Variants in ALK observed in about 807,000 individuals in gnomAD.
ALK encodes the protein ALK tyrosine kinase receptor.
Under a neutral mutation model 163.1 loss-of-function variants are expected in ALK, and 74 were observed. The observed-to-expected ratio is 0.45, with a 90% CI of 0.38 to 0.55. ALK has a LOEUF of 0.55. ALK is among the 20% of genes least tolerant of loss of function. ALK has a pLI of 0.00. For missense variants in ALK, 2,063 were observed against 2,105.3 expected (o/e 0.98, Z 0.39); for synonymous variants, 960 against 843.2 (o/e 1.14, Z -2.40).
chr2:29,684,017 TTA>T (rs1262400311), intron 3 of ALK, among the ~76,000 whole-genome samples: 1 of 152,212 alleles, frequency 6.6e-6, no homozygotes, highest in African/African-American at 2.4e-5. Flanking sequence ...TGAGTAAAGA[TTA>T]TCTTTCCACT....
chr2:29,345,464 TACTC>T (rs933309687), intron 5 of ALK, among the ~76,000 whole-genome samples: 37 of 151,140 alleles, frequency 2.4e-4, no homozygotes, highest in Non-Finnish European at 4.0e-4. Context: ...ATAAAAATAA[TACTC>T]AGTCCTAGCA....
intron 11 of ALK, 55 bp downstream of exon 11, chr2:29,275,044 T>G: frequency 6.2e-7 from 1 of 1,611,554 alleles, no homozygotes; most frequent in Non-Finnish European, 8.5e-7. Flanking sequence ...CAATCTTTCT[T>G]CTGCCTTTTG....
At chr2:29,847,963 C>T (rs112896898) in intron 1 of ALK, among the ~76,000 whole-genome samples, 1,963 of 152,060 alleles carry the variant, frequency 0.013, 19 homozygotes, top group Middle Eastern at 0.031. Context: ...TGTCTAGTGG[C>T]GAGACAAACT....
chr2:29,326,962 C>A (rs894582371), intron 6 of ALK, among the ~76,000 whole-genome samples: 1 of 152,218 alleles, frequency 6.6e-6, no homozygotes, highest in Non-Finnish European at 1.5e-5. Flanking sequence ...CCAGTCCAGG[C>A]TCCATTTCAC....
intron 4 of ALK, among the ~76,000 whole-genome samples, chr2:29,490,585 C>T (rs1231312795): frequency 2.6e-5 from 4 of 152,136 alleles, no homozygotes; most frequent in African/African-American, 9.7e-5. Flanking sequence ...AGGATTCCAA[C>T]ACATACTCAA....
chr2:29,691,165 G>A (rs1310270891), intron 3 of ALK, among the ~76,000 whole-genome samples: 2 of 152,196 alleles, frequency 1.3e-5, no homozygotes, highest in African/African-American at 4.8e-5. Flanking sequence ...GACTACAAAA[G>A]TGATGAGAGA....
At chr2:29,574,647 G>T (rs1002317052) in intron 3 of ALK, among the ~76,000 whole-genome samples, 1 of 152,222 alleles carries the variant, frequency 6.6e-6, no homozygotes, top group Admixed American at 6.5e-5. Flanking sequence ...TTGACCTCTG[G>T]GCGTGCAGGC....
intron 4 of ALK, among the ~76,000 whole-genome samples, chr2:29,392,017 C>T (rs532884077): frequency 6.7e-6 from 1 of 150,228 alleles, no homozygotes; most frequent in African/African-American, 2.4e-5. Context: ...TAAGCATTAG[C>T]GGATGCTGTT....
At chr2:29,397,740 C>T (rs1416124794) in intron 4 of ALK, among the ~76,000 whole-genome samples, 9 of 152,182 alleles carry the variant, frequency 5.9e-5, no homozygotes, top group Non-Finnish European at 1.5e-5. Flanking sequence ...CTCTGCCTCC[C>T]AGATGAATAC....
intron 3 of ALK, among the ~76,000 whole-genome samples, chr2:29,605,686 C>T (rs1573493759): frequency 6.6e-6 from 1 of 152,188 alleles, no homozygotes; most frequent in Non-Finnish European, 1.5e-5. Context: ...GCCATGTGAG[C>T]ACCCTGATCT....
At chr2:29,438,943 T>C (rs1313825453) in intron 4 of ALK, among the ~76,000 whole-genome samples, 1 of 152,190 alleles carries the variant, frequency 6.6e-6, no homozygotes, top group African/African-American at 2.4e-5. Context: ...CACCCATCTT[T>C]CTGGAGCTTG....
At chr2:29,909,441 A>G (rs1380996738) in intron 1 of ALK, among the ~76,000 whole-genome samples, 1 of 151,456 alleles carries the variant, frequency 6.6e-6, no homozygotes, top group Non-Finnish European at 1.5e-5. Flanking sequence ...GAGAAGGCAC[A>G]ACTAGACACA....
At chr2:29,580,318 C>T (rs1005077356) in intron 3 of ALK, among the ~76,000 whole-genome samples, 2 of 152,166 alleles carry the variant, frequency 1.3e-5, no homozygotes, top group Non-Finnish European at 2.9e-5. Flanking sequence ...TGAAAAGCTG[C>T]CTTTTGTAAA....
intron 4 of ALK, among the ~76,000 whole-genome samples, chr2:29,438,089 G>A (rs1017517756): frequency 1.8e-4 from 27 of 151,214 alleles, no homozygotes; most frequent in African/African-American, 4.6e-4. Flanking sequence ...TGTAGGCGGA[G>A]CTAAGAAGTT....
intron 1 of ALK, chr2:29,890,631 C>A (rs1215833110): frequency 6.6e-6 from 1 of 152,224 alleles, no homozygotes; most frequent in Non-Finnish European, 1.5e-5. Context: ...TACGTATATT[C>A]TCTCTCCACG....
chr2:29,697,129 A>G (rs1014042672), intron 2 of ALK, among the ~76,000 whole-genome samples: 2 of 152,162 alleles, frequency 1.3e-5, no homozygotes, highest in Non-Finnish European at 2.9e-5. Flanking sequence ...GACCTGGTCC[A>G]TATTTGATGC....
At chr2:29,607,747 T>C (rs922344794) in intron 3 of ALK, among the ~76,000 whole-genome samples, 3 of 152,198 alleles carry the variant, frequency 2.0e-5, no homozygotes, top group African/African-American at 7.2e-5. Context: ...CCTTGACCTA[T>C]GACTGTTGGA....
At chr2:29,615,901 G>A (rs1255964579) in intron 3 of ALK, among the ~76,000 whole-genome samples, 1 of 152,236 alleles carries the variant, frequency 6.6e-6, no homozygotes, top group African/African-American at 2.4e-5. Flanking sequence ...TATTGAGGAG[G>A]ATGAGGTAGA....
At chr2:29,282,628 G>A (rs1034965215) in intron 9 of ALK, among the ~76,000 whole-genome samples, 1 of 151,966 alleles carries the variant, frequency 6.6e-6, no homozygotes, top group South Asian at 2.1e-4. Context: ...TAGGCATAAC[G>A]ACACCAGGAG....
Sources: allele counts gnomAD v4.1 joint callset (sites outside exome capture counted in the v4.1 genomes callset), GRCh38; gene constraint gnomAD v4.1.1; transcripts MANE v1.5; gene names NCBI Gene and HGNC (gene_info 2026-07-23, HGNC 2026-07-21).